The following MACROD2 variants were observed in gnomAD, a reference collection of about 807,000 sequenced individuals.
MACROD2 encodes ADP-ribose glycohydrolase MACROD2.
A neutral mutation model predicts 70.4 loss-of-function variants in MACROD2; 36 were observed. The ratio of observed to expected loss-of-function variants is 0.51; its 90% CI spans 0.39 to 0.68. The LOEUF (loss-of-function observed/expected upper bound fraction) is 0.68. MACROD2 is among the 30% of genes least tolerant of loss of function. The pLI, the probability that MACROD2 is intolerant of heterozygous loss-of-function variation, is 0.00. For synonymous variants in MACROD2, 172 were observed against 178.8 expected (o/e 0.96, Z 0.30); for missense variants, 496 against 538.4 (o/e 0.92, Z 0.78).
intron 5 of MACROD2, among the ~76,000 whole-genome samples, chr20:15,112,972 G>GTGTGTGTGTT (rs777423549): frequency 4.0e-5 from 6 of 151,826 alleles, no homozygotes; most frequent in Admixed American, 1.3e-4. Context: ...GTGTGTGTGT[G>GTGTGTGTGTT]TGTGTGTGTT....
intron 5 of MACROD2, among the ~76,000 whole-genome samples, chr20:14,834,715 A>G (rs532992194): frequency 2.0e-5 from 3 of 152,074 alleles, no homozygotes; most frequent in Non-Finnish European, 4.4e-5. Context: ...ACTTTATTCT[A>G]TTATCTTCCA....
intron 3 of MACROD2, among the ~76,000 whole-genome samples, chr20:14,147,899 G>A (rs552398203): frequency 1.3e-5 from 2 of 151,818 alleles, no homozygotes; most frequent in South Asian, 4.2e-4. Flanking sequence ...TTATATGCAA[G>A]TACAGTGTCT....
chr20:15,881,874 G>T (rs967560576), intron 9 of MACROD2, among the ~76,000 whole-genome samples: 7 of 152,122 alleles, frequency 4.6e-5, no homozygotes, highest in African/African-American at 1.7e-4. Context: ...GATGGAGTCT[G>T]CTGTGTCAAA....
At chr20:15,130,170 G>T (rs1482711920) in intron 5 of MACROD2, among the ~76,000 whole-genome samples, 1 of 152,092 alleles carries the variant, frequency 6.6e-6, no homozygotes, top group Non-Finnish European at 1.5e-5. Context: ...GCAAAGTGAA[G>T]CTGAATCTCA....
chr20:15,843,135 G>T (rs950966587), intron 8 of MACROD2, among the ~76,000 whole-genome samples: 1 of 152,116 alleles, frequency 6.6e-6, no homozygotes, highest in African/African-American at 2.4e-5. Flanking sequence ...CTTAAATGAG[G>T]TAATCAACAT....
intron 8 of MACROD2, among the ~76,000 whole-genome samples, chr20:15,748,766 A>C (rs1416620133): frequency 6.6e-6 from 1 of 152,102 alleles, no homozygotes; most frequent in Non-Finnish European, 1.5e-5. Context: ...GTCTGATCTG[A>C]ATAAATTTGC....
At chr20:14,480,578 G>A (rs2084652014) in intron 3 of MACROD2, among the ~76,000 whole-genome samples, 1 of 152,166 alleles carries the variant, frequency 6.6e-6, no homozygotes, top group South Asian at 2.1e-4. Flanking sequence ...TCTGTAGTCA[G>A]TAATCAGCTT....
At chr20:14,207,796 G>GT (rs2081536988) in intron 3 of MACROD2, among the ~76,000 whole-genome samples, 1 of 152,164 alleles carries the variant, frequency 6.6e-6, no homozygotes, top group Non-Finnish European at 1.5e-5. Context: ...AGAGATAGCC[G>GT]TGGGTCATAC....
In MACROD2 at chr20:15,827,507, C is replaced by T. The variant is rs76229991; in HGVS notation, c.646-35238C>T. Among the ~76,000 whole-genome samples the T allele has an allele frequency of 2.0e-4, 31 of 152,250 alleles. No homozygotes were observed. In the South Asian group the frequency reaches 3.7e-3, roughly 18 times the overall value. ...ATAAGATGAAAATTGCAAGAAGTTT[C>T]TTCAAAACCTACCTGACATTCTTTG... is the stretch of plus-strand genomic sequence containing the variant. On this transcript the variant is annotated intron_variant, in intron 8 of 17. Transcript: ENST00000684519.
intron 13 of MACROD2, among the ~76,000 whole-genome samples, chr20:15,983,789 G>C (rs186937338): frequency 9.2e-5 from 14 of 152,334 alleles, no homozygotes; most frequent in African/African-American, 2.9e-4. Context: ...TTAATGTGCA[G>C]ATGGAATATT....
chr20:14,356,189 A>G (rs1194719529), intron 3 of MACROD2, among the ~76,000 whole-genome samples: 1 of 152,178 alleles, frequency 6.6e-6, no homozygotes, highest in East Asian at 1.9e-4. Context: ...CCATATATGA[A>G]TTGGGAATAA....
At chr20:14,339,154 T>G (rs1313714379) in intron 3 of MACROD2, among the ~76,000 whole-genome samples, 2 of 152,196 alleles carry the variant, frequency 1.3e-5, no homozygotes, top group African/African-American at 4.8e-5. Flanking sequence ...CAGTTTGACC[T>G]GAGTTCCCTT....
rs57402806 is a variant in MACROD2, at chr20:15,636,076, G to GAAAAAAAA, written c.645+136238_645+136245dup. Among the ~76,000 whole-genome samples the GAAAAAAAA allele has an allele frequency of 6.8e-4, 58 of 85,834 alleles. 3 individuals are homozygous for GAAAAAAAA. The highest frequency in any genetic ancestry group is 2.1e-3 in the African/African-American group (52 of 25,126). The allele number at this position is 85,834 out of a possible 152,430, so 56.3% of individuals were successfully genotyped here. On this transcript the variant is annotated intron_variant, in intron 8 of 17. Transcript: ENST00000684519. ...GACAGAGCGAGGCTCCCTCTCAAAA[G>GAAAAAAAA]AAAAAAAAAAAAAAAAGAAAGAAAA...
intron 8 of MACROD2, among the ~76,000 whole-genome samples, chr20:15,720,436 G>A (rs539083912): frequency 6.6e-6 from 1 of 152,096 alleles, no homozygotes; most frequent in African/African-American, 2.4e-5. Context: ...ATATCACCTA[G>A]TTATTTCTCT....
At chr20:15,194,398 G>T (rs535681525) in intron 5 of MACROD2, among the ~76,000 whole-genome samples, 2 of 151,984 alleles carry the variant, frequency 1.3e-5, no homozygotes, top group African/African-American at 4.8e-5. Flanking sequence ...ATGATTTCAT[G>T]CATGCTTTAA....
At chr20:15,489,470 T>C (rs2047200813) in intron 7 of MACROD2, among the ~76,000 whole-genome samples, 1 of 152,162 alleles carries the variant, frequency 6.6e-6, no homozygotes, top group Admixed American at 6.5e-5. Context: ...AATGTTCAAG[T>C]GTAATTGAGC....
chr20:15,528,857 T>C (rs1315078516), intron 8 of MACROD2, among the ~76,000 whole-genome samples: 2 of 152,138 alleles, frequency 1.3e-5, no homozygotes, highest in Non-Finnish European at 2.9e-5. Context: ...TGAGTCACCA[T>C]TTCTCTGAAG....
chr20:14,382,583 G>A (rs1376844695), intron 3 of MACROD2, among the ~76,000 whole-genome samples: 1 of 151,970 alleles, frequency 6.6e-6, no homozygotes, highest in Non-Finnish European at 1.5e-5. Flanking sequence ...CAGGAGAATC[G>A]CTTGAACCCA....
chr20:15,898,337 G>A (rs1008285695), intron 10 of MACROD2, among the ~76,000 whole-genome samples: 4 of 152,016 alleles, frequency 2.6e-5, no homozygotes, highest in Non-Finnish European at 5.9e-5. Context: ...ATCACTTGAG[G>A]TCAGGAGTTC....
Sources: gnomAD v4.1 joint callset for allele counts (sites outside exome capture counted in the v4.1 genomes callset) on GRCh38, gnomAD v4.1.1 for gene constraint, MANE v1.5 for transcripts, NCBI Gene and HGNC (gene_info 2026-07-23, HGNC 2026-07-21) for gene names.